Variants in LTBP2 observed in about 807,000 individuals in gnomAD.
LTBP2 encodes the protein latent transforming growth factor beta binding protein 2.
Under a neutral mutation model 210.6 loss-of-function variants are expected in LTBP2, and 103 were observed. That is an observed-to-expected ratio of 0.49 (90% CI 0.42 to 0.58). The LOEUF is 0.58. LTBP2 is among the 20% of genes least tolerant of loss of function. The pLI is 0.00. For synonymous variants in LTBP2, 1,007 were observed against 1,015.0 expected (o/e 0.99, Z 0.15); for missense variants, 2,313 against 2,494.5 (o/e 0.93, Z 1.55).
At position 74,522,042 on chromosome 14, in the gene LTBP2, G is replaced by T; in HGVS notation, c.2660-3C>A. ...GTCCCTCAGACACTCGTTGTCATCT[G>T]ACCAGAAGAAGGCAGGGAGGGAGGT... On this transcript the variant is annotated splice_region_variant and splice_polypyrimidine_tract_variant and intron_variant, in intron 16 of 35. Coordinates refer to ENST00000261978, the MANE Select transcript of LTBP2 (RefSeq NM_000428.3). 3.1e-6 allele frequency: 5 copies of T among 1,611,998 alleles called. No homozygotes were observed. In the South Asian group the frequency reaches 4.4e-5, roughly 14 times the overall value.
At chr14:74,554,408 A>T (rs2087702655) in intron 4 of LTBP2, among the ~76,000 whole-genome samples, 1 of 152,136 alleles carries the variant, frequency 6.6e-6, no homozygotes, top group Admixed American at 6.5e-5. Flanking sequence ...CTGAGGTGAG[A>T]GGATCACTTG....
chr14:74,551,173 C>G lies in LTBP2; in HGVS notation c.1577G>C (p.Ser526Thr), dbSNP rs142979965. 1.9e-6 allele frequency: 3 copies of G among 1,613,900 alleles called. No individual in the cohort carries two copies. Among genetic ancestry groups the G allele is most frequent in the Non-Finnish European group, 2.5e-6 (3 of 1,180,010 alleles). Residue 526 changes from serine (S) to threonine (T), a missense_variant, in exon 7 of 36, where the codon AGC (serine) becomes ACC (threonine). Around this residue, in one of 3 missense-constraint regions of LTBP2, gnomAD observed 1,867 missense variants for 1,976.9 expected, o/e 0.94. Coordinates refer to ENST00000261978, the MANE Select transcript of LTBP2 (RefSeq NM_000428.3). ...TCCAGACCGAGCAGGGATGTTGTTG[C>G]TGTCCCAGAGGCTGTGGCCAGGGCT... The part of the protein sequence containing the change: ...PASPGHSLWD[S>T]NNIPARSGEP...
chr14:74,610,988 G>A (rs566377377), intron 1 of LTBP2, among the ~76,000 whole-genome samples: 4 of 152,132 alleles, frequency 2.6e-5, no homozygotes, highest in African/African-American at 4.8e-5. Flanking sequence ...TCCTGGAGAC[G>A]CATCTACCTT....
At chr14:74,528,395 G>A (rs2087302919) in intron 12 of LTBP2, 88 bp downstream of exon 12, 3 of 1,446,686 alleles carry the variant, frequency 2.1e-6, no homozygotes, top group South Asian at 1.1e-5. Flanking sequence ...GATGCCCAGG[G>A]ACCCAGGATT....
chr14:74,522,356 T>C (rs1409349190), intron 16 of LTBP2, among the ~76,000 whole-genome samples: 9 of 152,204 alleles, frequency 5.9e-5, no homozygotes, highest in East Asian at 3.9e-4. Context: ...TTTGAAAATA[T>C]TGGGGGGAGG....
chr14:74,508,852 C>CA lies in LTBP2; in HGVS notation c.3503dup (p.Ala1169GlyfsTer7). 6.2e-7 allele frequency: 1 copy of CA among 1,613,726 alleles called. No homozygotes were observed. The highest frequency in any genetic ancestry group is 8.5e-7 in the Non-Finnish European group (1 of 1,179,942). On this transcript the variant is annotated frameshift_variant, in exon 23 of 36. Transcript: ENST00000261978. LOFTEE classifies it high-confidence loss of function. ...CACCCTCACACACGGTGCCATTGGC[C>CA]AGCTGGAAGCCCTGGGGACAGAGGC...
In LTBP2 at chr14:74,525,030, C is replaced by A. The variant is rs2087253773; in HGVS notation, c.2530+94G>T. On this transcript the variant is annotated intron_variant, in intron 15 of 35. Transcript: ENST00000261978. ...TTACCTAGTTGGAAAGGTGAGGGGG[C>A]ATTCCATTCATGCCCCTGCCCTGGA... The A allele has an allele frequency of 4.9e-6, 3 of 612,060 alleles. No individual in the cohort carries two copies. In the South Asian group the frequency reaches 1.7e-4, roughly 35 times the overall value. 37.9% of individuals were successfully genotyped at this position (612,060 alleles called of 1,614,324 possible). A position where few individuals can be genotyped will look rare whatever the true frequency, so the allele number is the denominator to read the frequency against.
At chr14:74,505,938 C>T (rs2086977306) in intron 28 of LTBP2, 110 bp downstream of exon 28, 9 of 1,468,226 alleles carry the variant, frequency 6.1e-6, no homozygotes, top group African/African-American at 1.4e-5. Context: ...CTGCCCCAGG[C>T]CCTGGCCCAG....
intron 2 of LTBP2, among the ~76,000 whole-genome samples, chr14:74,600,182 A>C (rs2088425804): frequency 6.6e-6 from 1 of 152,200 alleles, no homozygotes; most frequent in African/African-American, 2.4e-5. Flanking sequence ...GGTTCTCATT[A>C]GGCTTATTAG....
In LTBP2 at chr14:74,502,871, A is replaced by G. The variant is rs766581120; in HGVS notation, c.4952T>C (p.Phe1651Ser). The G allele has an allele frequency of 1.9e-6, 3 of 1,613,738 alleles. No individual in the cohort carries two copies. The highest frequency in any genetic ancestry group is 2.5e-6 in the Non-Finnish European group (3 of 1,180,022). ...GGGGCCATACTCATAGCCTGGCCGG[A>G]AGTGGACCCCGGCCTCCCGCTCTGC... ...IEAEREAGVH[F>S]RPGYEYGPGP... The change falls in exon 34 of 36, where the codon TTC becomes TCC. Residue 1651 changes from phenylalanine (F) to serine (S), a missense_variant. By Grantham distance (155) the Phe-to-Ser change is radical (BLOSUM62 -2). Around this residue, in one of 3 missense-constraint regions of LTBP2, gnomAD observed 443 missense variants for 501.4 expected, o/e 0.88. Coordinates refer to ENST00000261978, the MANE Select transcript of LTBP2 (RefSeq NM_000428.3).
chr14:74,536,021 C>T (rs755436214), intron 8 of LTBP2, 21 bp from the exon 9 acceptor site: 19 of 1,609,400 alleles, frequency 1.2e-5, no homozygotes, highest in Non-Finnish European at 1.4e-5. Flanking sequence ...GAGATACGGA[C>T]AGGTCTCACT....
At chr14:74,590,183 T>A (rs556378557) in intron 2 of LTBP2, among the ~76,000 whole-genome samples, 1 of 152,222 alleles carries the variant, frequency 6.6e-6, no homozygotes, top group Non-Finnish European at 1.5e-5. Context: ...GGAACACTTA[T>A]ACACTGCTGG....
intron 8 of LTBP2, among the ~76,000 whole-genome samples, chr14:74,541,775 A>G (rs1183000667): frequency 3.9e-5 from 6 of 152,038 alleles, no homozygotes; most frequent in Admixed American, 3.9e-4. Context: ...AAAAAAAAAA[A>G]GTAGGGATAC....
chr14:74,532,507 C>T lies in LTBP2; in HGVS notation c.1906G>A (p.Glu636Lys), dbSNP rs1485536761. The change falls in exon 10 of 36, where the codon GAG (glutamate) becomes AAG (lysine). Residue 636 changes from glutamate to lysine, a missense_variant. Transcript: ENST00000261978. ...TAGCTGCCCCTGGTATTCACACACT[C>T]CGCGTCCTTGCACAGGCCCAGGGTC... is the stretch of plus-strand genomic sequence containing the variant. ...CLTLGLCKDA[E>K]CVNTRGSYLC... The T allele has an allele frequency of 6.2e-7, 1 of 1,614,240 alleles. No individual in the cohort carries two copies. Among genetic ancestry groups the T allele is most frequent in the Admixed American group, 1.7e-5 (1 of 60,026 alleles).
chr14:74,590,374 A>G lies in LTBP2; in HGVS notation c.566-4256T>C, dbSNP rs567745365. ...CAGCACAATTCATGATTGCAAAGATATGGAACCAACTTAATGCCCATCAAC... is the reference window on the plus strand; with the variant it reads ...CAGCACAATTCATGATTGCAAAGATGTGGAACCAACTTAATGCCCATCAAC... On this transcript the variant is annotated intron_variant, in intron 2 of 35. Coordinates refer to ENST00000261978, the MANE Select transcript of LTBP2 (RefSeq NM_000428.3). Among the ~76,000 whole-genome samples, 6 of 152,346 alleles carry G rather than the reference A, an allele frequency of 3.9e-5. No homozygotes were observed. In the South Asian group the frequency reaches 1.2e-3, roughly 32 times the overall value.
intron 3 of LTBP2, among the ~76,000 whole-genome samples, chr14:74,564,331 T>A (rs373340344): frequency 2.6e-3 from 13 of 4,978 alleles, no homozygotes; most frequent in African/African-American, 5.6e-3. Flanking sequence ...ATATATATAT[T>A]TATATATATA....
chr14:74,589,470 G>T (rs1400335638), intron 2 of LTBP2, among the ~76,000 whole-genome samples: 1 of 152,246 alleles, frequency 6.6e-6, no homozygotes, highest in Non-Finnish European at 1.5e-5. Context: ...CCAACCACAA[G>T]TTGGGCTCTG....
chr14:74,572,351 G>A (rs1356789226), intron 3 of LTBP2, among the ~76,000 whole-genome samples: 1 of 152,040 alleles, frequency 6.6e-6, no homozygotes, highest in South Asian at 2.1e-4. Context: ...GTGTGTGTGT[G>A]TGCATGCGCC....
In LTBP2 at chr14:74,549,845, T is replaced by C. The variant is rs2087627180; in HGVS notation, c.1789+18A>G. On this transcript the variant is annotated intron_variant, in intron 8 of 35. Coordinates refer to ENST00000261978, the MANE Select transcript of LTBP2 (RefSeq NM_000428.3). ...AGAGCTTCCTCCACAACACGTGACC[T>C]TGGACTCCAGCACTCACCTGGTCTG... The C allele has an allele frequency of 6.2e-7, 1 of 1,605,410 alleles. No homozygotes were observed. The highest frequency in any genetic ancestry group is 1.3e-5 in the African/African-American group (1 of 74,828).
Sources: allele counts gnomAD v4.1 joint callset (sites outside exome capture counted in the v4.1 genomes callset), GRCh38; gene constraint gnomAD v4.1.1; regional missense constraint gnomAD v4.1.1; transcripts MANE v1.5; gene names NCBI Gene and HGNC (gene_info 2026-07-23, HGNC 2026-07-21).